Variants in RNF130 observed in about 807,000 individuals in gnomAD.
The protein encoded by RNF130 is E3 ubiquitin-protein ligase RNF130.
A neutral mutation model predicts 44.6 loss-of-function variants in RNF130; 21 were observed. That is an observed-to-expected ratio of 0.47 (90% CI 0.33 to 0.68). The LOEUF is 0.68. Among genes scored for constraint, RNF130 ranks in the 30% least tolerant of loss-of-function variants. The pLI, the probability that RNF130 is intolerant of heterozygous loss-of-function variation, is 0.02. For synonymous variants in RNF130, 214 were observed against 210.4 expected (o/e 1.02, Z -0.15); for missense variants, 479 against 560.6 (o/e 0.85, Z 1.47).
chr5:180,057,293 A>T (rs893112357), intron 1 of RNF130, among the ~76,000 whole-genome samples: 9 of 152,240 alleles, frequency 5.9e-5, no homozygotes, highest in Non-Finnish European at 8.8e-5. Flanking sequence ...TCACGCCTGT[A>T]ATCCCAGCAC....
At chr5:179,927,766 A>G (rs1197670546) in intron 7 of RNF130, among the ~76,000 whole-genome samples, 1 of 150,084 alleles carries the variant, frequency 6.7e-6, no homozygotes, top group Non-Finnish European at 1.5e-5. Flanking sequence ...TTTTTTTTGT[A>G]TTTTTAGTAG....
At chr5:180,012,397 A>G (rs1372050031) in intron 3 of RNF130, among the ~76,000 whole-genome samples, 1 of 152,158 alleles carries the variant, frequency 6.6e-6, no homozygotes, top group African/African-American at 2.4e-5. Flanking sequence ...TAGGGTGTGT[A>G]TTCTGTCCAC....
In RNF130 at chr5:180,071,667, G is replaced by A. The variant is rs1303491879; in HGVS notation, c.36C>T (p.Leu12=). ...TGCAGGTCAGCAGGGCGAGCGCGGC[G>A]AGCCGGGCAGGGCCCGCCCGCCCCG... is the stretch of plus-strand genomic sequence containing the variant. ...SCAGRAGPAR[L]AALALLTCSL... Residue 12 remains leucine, a synonymous_variant, in exon 1 of 9, where the codon CTC becomes CTT. Transcript: ENST00000521389. The A allele has an allele frequency of 7.0e-6, 10 of 1,428,210 alleles. No homozygotes were observed. The highest frequency in any genetic ancestry group is 1.4e-5 in the South Asian group (1 of 70,968). 88.5% of individuals were successfully genotyped at this position (1,428,210 alleles called of 1,614,324 possible). A position where few individuals can be genotyped will look rare whatever the true frequency, so the allele number is the denominator to read the frequency against.
chr5:180,009,583 G>A (rs1023356262), intron 3 of RNF130, among the ~76,000 whole-genome samples: 26 of 152,204 alleles, frequency 1.7e-4, no homozygotes, highest in Admixed American at 1.4e-3. Context: ...AAGTGCTGTC[G>A]AGAGTGTGGA....
At chr5:179,984,659 T>G (rs1357466838) in intron 3 of RNF130, among the ~76,000 whole-genome samples, 2 of 152,180 alleles carry the variant, frequency 1.3e-5, no homozygotes, top group Non-Finnish European at 2.9e-5. Context: ...TTTTAGAATT[T>G]GTGCATCTAT....
At chr5:179,918,888 A>G (rs568609875) in exon 8 of RNF130, 19 of 152,302 alleles carry the variant, frequency 1.2e-4, no homozygotes, top group African/African-American at 4.6e-4. Flanking sequence ...ACGCGTTAGG[A>G]GAAAAGACAC....
intron 2 of RNF130, among the ~76,000 whole-genome samples, chr5:180,038,615 G>A (rs1281841953): frequency 1.3e-5 from 2 of 151,922 alleles, no homozygotes; most frequent in African/African-American, 4.8e-5. Flanking sequence ...GAGTCCTCTA[G>A]GAACATATCT....
chr5:180,071,539 C>A lies in RNF130; in HGVS notation c.164G>T (p.Arg55Leu), dbSNP rs749484134. ...AAGCCCGTAGCGCCCGCGGTCGATGCGAAACGTGAGCGGGGCGCCGCGGCC... is the reference window on the plus strand; with the variant it reads ...AAGCCCGTAGCGCCCGCGGTCGATGAGAAACGTGAGCGGGGCGCCGCGGCC... ...EPGRGAPLTFRIDRGRYGLDS... is the reference protein window; with the variant it reads ...EPGRGAPLTFLIDRGRYGLDS... Residue 55 changes from arginine (R) to leucine (L), a missense_variant, in exon 1 of 9, where the codon CGC (arginine) becomes CTC (leucine). Arg to Leu is a moderately radical substitution (Grantham distance 102). Coordinates refer to ENST00000521389, the MANE Select transcript of RNF130 (RefSeq NM_018434.6). The A allele has an allele frequency of 4.3e-6, 6 of 1,401,746 alleles. No individual in the cohort carries two copies. The highest frequency in any genetic ancestry group is 1.5e-5 in the African/African-American group (1 of 68,204). The allele number at this position is 1,401,746 out of a possible 1,614,324, so 86.8% of individuals were successfully genotyped here.
chr5:180,031,391 G>A (rs1393438178), intron 2 of RNF130, among the ~76,000 whole-genome samples: 2 of 152,164 alleles, frequency 1.3e-5, no homozygotes, highest in African/African-American at 4.8e-5. Flanking sequence ...GGAAGCTGAG[G>A]CAGGAGAATT....
chr5:180,065,200 T>A (rs1272035889), intron 1 of RNF130, among the ~76,000 whole-genome samples: 1 of 152,066 alleles, frequency 6.6e-6, no homozygotes, highest in East Asian at 1.9e-4. Context: ...AGGTACAACT[T>A]TTCCCCCTGT....
downstream of RNF130, among the ~76,000 whole-genome samples, chr5:179,950,237 C>T (rs1048351755): frequency 1.3e-5 from 2 of 152,080 alleles, no homozygotes; most frequent in Admixed American, 6.6e-5. Context: ...CTGCCTCAGC[C>T]TCCCAAGTAG....
chr5:179,935,515 C>T (rs896033849), intron 7 of RNF130, among the ~76,000 whole-genome samples: 6 of 150,512 alleles, frequency 4.0e-5, no homozygotes, highest in African/African-American at 9.8e-5. Context: ...TATGTCAGCA[C>T]GTGTGTGTGT....
chr5:179,950,200 C>T (rs918464279), downstream of RNF130, among the ~76,000 whole-genome samples: 2 of 152,028 alleles, frequency 1.3e-5, no homozygotes, highest in African/African-American at 4.8e-5. Flanking sequence ...GCAACCTCTA[C>T]CTCCAGGGTT....
In RNF130 at chr5:179,932,804, C is replaced by G. The variant is rs564694711; in HGVS notation, c.1151-12378G>C. 1.1e-4 allele frequency among the ~76,000 whole-genome samples: 16 copies of G among 152,132 alleles called. No homozygotes were observed. The East Asian group carries it at 2.4e-3, about 22-fold the overall frequency. Reference sequence around the variant, plus strand: ...TAAGCTGAGATTGTACCACTGCACTCCAGCCTGGGCAACAGAGTGAGACTT... The same window carrying G: ...TAAGCTGAGATTGTACCACTGCACTGCAGCCTGGGCAACAGAGTGAGACTT... On this transcript the variant is annotated intron_variant, in intron 7 of 7. Transcript: ENST00000522208.
At chr5:180,049,555 A>T (rs1004716766) in intron 1 of RNF130, among the ~76,000 whole-genome samples, 1 of 152,188 alleles carries the variant, frequency 6.6e-6, no homozygotes, top group Non-Finnish European at 1.5e-5. Context: ...TGTTAACTGT[A>T]CAAGTATTAC....
intron 2 of RNF130, among the ~76,000 whole-genome samples, chr5:180,034,105 T>A (rs796067148): frequency 4.6e-5 from 7 of 151,764 alleles, no homozygotes; most frequent in Admixed American, 1.3e-4. Context: ...TTTTTTTTTT[T>A]AAATCATGAT....
chr5:180,043,320 A>G (rs549506771), intron 1 of RNF130, among the ~76,000 whole-genome samples: 61 of 152,282 alleles, frequency 4.0e-4, no homozygotes, highest in African/African-American at 1.4e-3. Context: ...GCAAGACTCT[A>G]TCTCTAAAAA....
In RNF130 at chr5:179,955,651, T is replaced by C. The variant is rs766924548; in HGVS notation, c.*3A>G. 1.9e-6 allele frequency: 3 copies of C among 1,586,072 alleles called. No homozygotes were observed. In the South Asian group the frequency reaches 3.5e-5, roughly 18 times the overall value. ...ATCAGTCAGAAAGCAGGTTTTTTCTTCTTCAAAACCATTCTACCCTATGGA... is the reference window on the plus strand; with the variant it reads ...ATCAGTCAGAAAGCAGGTTTTTTCTCCTTCAAAACCATTCTACCCTATGGA... On this transcript the variant is annotated 3_prime_UTR_variant, in exon 9 of 9. Transcript: ENST00000521389.
chr5:179,924,621 T>C (rs1045096817), intron 7 of RNF130, among the ~76,000 whole-genome samples: 1 of 150,968 alleles, frequency 6.6e-6, no homozygotes, highest in Non-Finnish European at 1.5e-5. Context: ...GCCAACATGG[T>C]GAATTAAAAA....
Sources: allele counts gnomAD v4.1 joint callset (sites outside exome capture counted in the v4.1 genomes callset), GRCh38; gene constraint gnomAD v4.1.1; transcripts MANE v1.5; gene names NCBI Gene and HGNC (gene_info 2026-07-23, HGNC 2026-07-21).